MALRD1: variants seen among roughly 807,000 people sequenced by gnomAD.
MALRD1 encodes the protein MAM and LDL-receptor class A domain-containing protein 1.
Under a neutral mutation model 242.1 loss-of-function variants are expected in MALRD1, and 247 were observed. The ratio of observed to expected loss-of-function variants is 1.02; its 90% CI spans 0.92 to 1.13. The LOEUF is 1.13. Among genes scored for constraint, MALRD1 ranks in the 50% most tolerant of loss-of-function variants. MALRD1 has a pLI of 0.00. For missense variants in MALRD1, 2,989 were observed against 2,533.1 expected (o/e 1.18, Z -3.86); for synonymous variants, 995 against 866.6 (o/e 1.15, Z -2.60).
chr10:19,355,220 G>A (rs1844567160), intron 26 of MALRD1, among the ~76,000 whole-genome samples: 1 of 151,986 alleles, frequency 6.6e-6, no homozygotes, highest in African/African-American at 2.4e-5. Context: ...GGCTGAGGTG[G>A]GCACCTTATG....
rs557779020 is a variant in MALRD1 at position 19,485,754 on chromosome 10, GATAC to G, written c.5030-5760_5030-5757del. 4.4e-3 allele frequency among the ~76,000 whole-genome samples: 661 copies of G among 151,894 alleles called. 5 individuals carry two copies. The highest frequency in any genetic ancestry group is 7.1e-3 in the Non-Finnish European group (483 of 67,956). Reference sequence around the variant, plus strand: ...AAGCCCTAAAAGAGACAAATCCATCGATACATTTTTATACCCAATAATGGCATGT... The same window carrying G: ...AAGCCCTAAAAGAGACAAATCCATCGATTTTTATACCCAATAATGGCATGT... On this transcript the variant is annotated intron_variant, in intron 29 of 39. Coordinates refer to ENST00000454679, the MANE Select transcript of MALRD1 (RefSeq NM_001142308.3).
Position 19,692,532 on chromosome 10 carries a change from G to T in MALRD1, c.6292G>T (p.Ala2098Ser), listed in dbSNP as rs1161121510. The T allele has an allele frequency of 1.8e-5, 27 of 1,535,404 alleles. No individual in the cohort carries two copies. The East Asian group carries it at 5.6e-4, about 32-fold the overall frequency. Reference protein sequence around the residue: ...HITVAVLCFLANRKVPIRKTE... With the variant: ...HITVAVLCFLSNRKVPIRKTE... The stretch of plus-strand genomic sequence containing the variant: ...CACAGTTGCAGTCTTGTGTTTTCTT[G>T]CAAACAGAAAGGTACCAATAAGGTA... The change falls in exon 38 of 40, where the codon GCA becomes TCA. Residue 2098 changes from alanine (A) to serine (S), a missense_variant. Coordinates refer to ENST00000454679, the MANE Select transcript of MALRD1 (RefSeq NM_001142308.3).
intron 36 of MALRD1, among the ~76,000 whole-genome samples, chr10:19,677,812 A>C (rs933499558): frequency 6.6e-6 from 1 of 152,188 alleles, no homozygotes; most frequent in African/African-American, 2.4e-5. Flanking sequence ...TTTTACATTT[A>C]AGTCTTTAAT....
At chr10:19,698,588 A>G (rs577872631) in intron 38 of MALRD1, among the ~76,000 whole-genome samples, 1 of 152,296 alleles carries the variant, frequency 6.6e-6, no homozygotes, top group East Asian at 1.9e-4. Flanking sequence ...TGGGAGAAGA[A>G]ATGGGGAAGG....
chr10:19,167,880 G>A (rs893136515), intron 13 of MALRD1, among the ~76,000 whole-genome samples: 12 of 152,252 alleles, frequency 7.9e-5, no homozygotes, highest in African/African-American at 2.4e-4. Flanking sequence ...GAAGACTAGG[G>A]CATAAGCATC....
intron 4 of MALRD1, among the ~76,000 whole-genome samples, chr10:19,096,210 C>A (rs1211841828): frequency 6.6e-6 from 1 of 152,098 alleles, no homozygotes; most frequent in East Asian, 1.9e-4. Context: ...TTCCTATTCT[C>A]AAGTGATACA....
At chr10:19,420,013 A>AATTTTCTT (rs1376113695) in intron 28 of MALRD1, among the ~76,000 whole-genome samples, 11 of 152,254 alleles carry the variant, frequency 7.2e-5, no homozygotes, top group Non-Finnish European at 1.0e-4. Context: ...TGGAATATAA[A>AATTTTCTT]ATTTTCTTTT....
intron 2 of MALRD1, among the ~76,000 whole-genome samples, chr10:19,077,761 G>A (rs1388013515): frequency 6.6e-6 from 1 of 151,818 alleles, no homozygotes; most frequent in Non-Finnish European, 1.5e-5. Context: ...GATTCAGACA[G>A]GTACAGATTT....
intron 39 of MALRD1, 28 bp from the exon 40 acceptor site, chr10:19,734,128 AC>A (rs1313656299): frequency 6.7e-7 from 1 of 1,502,158 alleles, no homozygotes; most frequent in East Asian, 2.5e-5. Flanking sequence ...CTAAAATTCC[AC>A]CCTTTCAAAT....
At chr10:19,723,459 C>T (rs1400676336) in intron 38 of MALRD1, among the ~76,000 whole-genome samples, 2 of 152,080 alleles carry the variant, frequency 1.3e-5, no homozygotes, top group Admixed American at 6.6e-5. Flanking sequence ...TCAGGTCAGG[C>T]AAAGTGGCTC....
chr10:19,411,057 G>A (rs1285139875), intron 28 of MALRD1, among the ~76,000 whole-genome samples: 4 of 151,964 alleles, frequency 2.6e-5, no homozygotes, highest in Admixed American at 6.6e-5. Context: ...TGAAATCTGC[G>A]ACTTTTTGAA....
chr10:19,426,527 C>T (rs1011219836), intron 28 of MALRD1, among the ~76,000 whole-genome samples: 2 of 152,102 alleles, frequency 1.3e-5, no homozygotes, highest in Non-Finnish European at 2.9e-5. Context: ...TTTGGCTGGG[C>T]ACGGTGGCTC....
intron 13 of MALRD1, among the ~76,000 whole-genome samples, chr10:19,170,610 G>C (rs1834880236): frequency 6.6e-6 from 1 of 152,006 alleles, no homozygotes; most frequent in Non-Finnish European, 1.5e-5. Context: ...TGGGTCCTTG[G>C]CCTGCTTAAT....
intron 33 of MALRD1, among the ~76,000 whole-genome samples, chr10:19,580,101 T>C (rs894822609): frequency 1.3e-5 from 2 of 152,150 alleles, no homozygotes; most frequent in African/African-American, 2.4e-5. Context: ...ACCTTCTGGG[T>C]TGCAGGCCTT....
At position 19,123,604 on chromosome 10, in the gene MALRD1, A is replaced by G; in HGVS notation, c.796+11A>G. Reference sequence around the variant, plus strand: ...ATGAAGAGTTGAGATGTAAGTGTTAAATTGAGATATTCACTTTTCTGGTAT... The same window carrying G: ...ATGAAGAGTTGAGATGTAAGTGTTAGATTGAGATATTCACTTTTCTGGTAT... On this transcript the variant is annotated intron_variant, in intron 6 of 39. Transcript: ENST00000454679. 8.2e-7 allele frequency: 1 copy of G among 1,221,164 alleles called. No homozygotes were observed. The highest frequency in any genetic ancestry group is 1.0e-6 in the Non-Finnish European group (1 of 976,580). 75.6% of individuals were successfully genotyped at this position (1,221,164 alleles called of 1,614,324 possible).
chr10:19,395,665 G>A (rs771396794), intron 28 of MALRD1, among the ~76,000 whole-genome samples: 1 of 152,116 alleles, frequency 6.6e-6, no homozygotes, highest in Non-Finnish European at 1.5e-5. Flanking sequence ...AACCACACAA[G>A]ATATCAACAC....
chr10:19,593,136 C>A (rs1837905574), intron 33 of MALRD1, among the ~76,000 whole-genome samples: 1 of 152,084 alleles, frequency 6.6e-6, no homozygotes, highest in Non-Finnish European at 1.5e-5. Flanking sequence ...AGATTTAAAT[C>A]CAATTTGCTT....
intron 28 of MALRD1, among the ~76,000 whole-genome samples, chr10:19,398,312 G>A (rs920907371): frequency 1.2e-4 from 18 of 152,098 alleles, no homozygotes; most frequent in African/African-American, 3.4e-4. Flanking sequence ...TTTAATGTTG[G>A]TTAGGAAAGA....
At chr10:19,553,265 A>T (rs1404678866) in intron 32 of MALRD1, among the ~76,000 whole-genome samples, 1 of 152,146 alleles carries the variant, frequency 6.6e-6, no homozygotes, top group Non-Finnish European at 1.5e-5. Flanking sequence ...TCCAATTTAA[A>T]ATTTCATATC....
Sources: allele counts gnomAD v4.1 joint callset (sites outside exome capture counted in the v4.1 genomes callset), GRCh38; gene constraint gnomAD v4.1.1; transcripts MANE v1.5; gene names NCBI Gene and HGNC (gene_info 2026-07-23, HGNC 2026-07-21).